Variants in SLC26A7 observed in about 807,000 individuals in gnomAD.
SLC26A7 encodes solute carrier family 26 member 7.
Under a neutral mutation model 82.5 loss-of-function variants are expected in SLC26A7, and 59 were observed. The ratio of observed to expected loss-of-function variants is 0.72; its 90% CI spans 0.58 to 0.89. The LOEUF (loss-of-function observed/expected upper bound fraction) is 0.89, where lower values mean the gene tolerates loss of function less well. Ranked by LOEUF, SLC26A7 falls within the 40% of genes least tolerant of loss-of-function variation. The pLI is 0.00. For missense variants in SLC26A7, 820 were observed against 793.0 expected (o/e 1.03, Z -0.41); for synonymous variants, 271 against 274.3 (o/e 0.99, Z 0.12).
chr8:91,211,783 T>C (rs914615680), intron 1 of SLC26A7, among the ~76,000 whole-genome samples: 1 of 151,902 alleles, frequency 6.6e-6, no homozygotes, highest in Non-Finnish European at 1.5e-5. Flanking sequence ...GTTGCCCCTG[T>C]TGTGCTTTAC....
At chr8:91,379,692 A>T (rs1814616251) in intron 15 of SLC26A7, among the ~76,000 whole-genome samples, 1 of 152,124 alleles carries the variant, frequency 6.6e-6, no homozygotes, top group Admixed American at 6.5e-5. Flanking sequence ...GACAAAATGT[A>T]AACTTAGAAG....
At chr8:91,395,012 T>G (rs1808530069) in intron 18 of SLC26A7, 50 bp from the exon 19 acceptor site, 1 of 1,589,992 alleles carries the variant, frequency 6.3e-7, no homozygotes, top group Non-Finnish European at 8.6e-7. Flanking sequence ...TGGTACCAAT[T>G]TAAGAGTTGA....
intron 1 of SLC26A7, among the ~76,000 whole-genome samples, chr8:91,211,609 TATA>T: frequency 7.2e-6 from 1 of 138,862 alleles, no homozygotes; most frequent in African/African-American, 2.7e-5. Flanking sequence ...TATATATATA[TATA>T]TATATTTTTT....
chr8:91,245,165 A>C (rs1195947749), upstream of SLC26A7, among the ~76,000 whole-genome samples: 2 of 152,170 alleles, frequency 1.3e-5, no homozygotes, highest in African/African-American at 4.8e-5. Flanking sequence ...GTTTACACTA[A>C]ATTAATTAGG....
chr8:91,361,820 A>G (rs1814057842), intron 11 of SLC26A7, among the ~76,000 whole-genome samples: 1 of 152,134 alleles, frequency 6.6e-6, no homozygotes, highest in South Asian at 2.1e-4. Flanking sequence ...TAAAACTATA[A>G]TGATCTTCAT....
At chr8:91,273,441 G>A (rs889866851) in intron 2 of SLC26A7, among the ~76,000 whole-genome samples, 3 of 152,144 alleles carry the variant, frequency 2.0e-5, no homozygotes, top group African/African-American at 7.2e-5. Context: ...CTAGAAGAGC[G>A]AGGTGAGAAG....
At position 91,316,345 on chromosome 8, in the gene SLC26A7, T is replaced by TGAC. The variant is rs1812629361; in HGVS notation, c.478-1870_478-1868dup. Among the ~76,000 whole-genome samples the TGAC allele has an allele frequency of 2.0e-5, 3 of 151,784 alleles. No homozygotes were observed. In the South Asian group the frequency reaches 6.2e-4, roughly 31 times the overall value. On this transcript the variant is annotated intron_variant, in intron 4 of 18. Coordinates refer to ENST00000276609, the MANE Select transcript of SLC26A7 (RefSeq NM_052832.4). The stretch of plus-strand genomic sequence containing the variant: ...TTGCCCAGGCTGGCCTGCAGTAGCG[T>TGAC]GACCACAGCTTACTGCAACCTCTGC...
At chr8:91,375,756 T>C (rs1814498438) in intron 15 of SLC26A7, among the ~76,000 whole-genome samples, 1 of 151,972 alleles carries the variant, frequency 6.6e-6, no homozygotes, top group Non-Finnish European at 1.5e-5. Flanking sequence ...TTTTCTTAAT[T>C]TCTTGTATCT....
chr8:91,331,301 G>A (rs1383744088), intron 5 of SLC26A7, among the ~76,000 whole-genome samples: 5 of 152,226 alleles, frequency 3.3e-5, no homozygotes, highest in South Asian at 2.1e-4. Context: ...ATTATAACAG[G>A]AAGGTCTTTC....
upstream of SLC26A7, among the ~76,000 whole-genome samples, chr8:91,249,079 G>T (rs1042118320): frequency 3.3e-5 from 5 of 152,008 alleles, no homozygotes; most frequent in African/African-American, 1.2e-4. Flanking sequence ...AAAATATATA[G>T]CTCTCAAAGA....
chr8:91,210,383 G>T (rs1809886753), intron 1 of SLC26A7, among the ~76,000 whole-genome samples: 1 of 152,122 alleles, frequency 6.6e-6, no homozygotes, highest in Non-Finnish European at 1.5e-5. Flanking sequence ...TTTATTGATT[G>T]ATGATGATAC....
At chr8:91,278,240 A>G (rs1341696334) in intron 2 of SLC26A7, among the ~76,000 whole-genome samples, 1 of 151,804 alleles carries the variant, frequency 6.6e-6, no homozygotes, top group Non-Finnish European at 1.5e-5. Context: ...GAAAAAAAAA[A>G]GGACCTGTCA....
chr8:91,305,424 T>C (rs1422559506), intron 4 of SLC26A7, among the ~76,000 whole-genome samples: 1 of 152,186 alleles, frequency 6.6e-6, no homozygotes, highest in Non-Finnish European at 1.5e-5. Flanking sequence ...TTATGAATAC[T>C]CCCACATCTG....
chr8:91,362,783 G>A lies in SLC26A7; in HGVS notation c.1421+324G>A, dbSNP rs1814086033. ...TCTTTAAATTAAGTGAAAAGAGTTA[G>A]TAGCTAATGATCACAAACCATTTCA... On this transcript the variant is annotated intron_variant, in intron 12 of 18. Transcript: ENST00000276609. Among the ~76,000 whole-genome samples, 4 of 151,964 alleles carry A rather than the reference G, an allele frequency of 2.6e-5. No homozygotes were observed. In the South Asian group the frequency reaches 8.3e-4, roughly 32 times the overall value.
At chr8:91,329,509 T>C (rs1813020891) in intron 5 of SLC26A7, among the ~76,000 whole-genome samples, 7 of 152,106 alleles carry the variant, frequency 4.6e-5, no homozygotes, top group Admixed American at 3.3e-4. Flanking sequence ...ATAAAAACCC[T>C]GGGGGGTTTT....
At chr8:91,298,524 C>A (rs921931003) in intron 4 of SLC26A7, among the ~76,000 whole-genome samples, 2 of 151,964 alleles carry the variant, frequency 1.3e-5, no homozygotes, top group African/African-American at 2.4e-5. Context: ...GGTATTAATA[C>A]GATCTTCAAG....
At chr8:91,373,524 T>C (rs1193355817) in intron 15 of SLC26A7, among the ~76,000 whole-genome samples, 3 of 152,098 alleles carry the variant, frequency 2.0e-5, no homozygotes, top group Non-Finnish European at 4.4e-5. Flanking sequence ...GTGAACCACA[T>C]TTATTGATTT....
chr8:91,377,120 C>T (rs954524032), intron 15 of SLC26A7, among the ~76,000 whole-genome samples: 1 of 152,036 alleles, frequency 6.6e-6, no homozygotes, highest in African/African-American at 2.4e-5. Context: ...TTGTGCAATC[C>T]CAAGCAGGGA....
At chr8:91,331,021 C>T (rs112127831) in intron 5 of SLC26A7, among the ~76,000 whole-genome samples, 2 of 152,062 alleles carry the variant, frequency 1.3e-5, no homozygotes, top group African/African-American at 4.8e-5. Context: ...AGATGGTGGC[C>T]TTCTCCTTGT....
Sources: gnomAD v4.1 joint callset for allele counts (sites outside exome capture counted in the v4.1 genomes callset) on GRCh38, gnomAD v4.1.1 for gene constraint, MANE v1.5 for transcripts, NCBI Gene and HGNC (gene_info 2026-07-23, HGNC 2026-07-21) for gene names.